The following ADRM1 variants were observed in gnomAD, a reference collection of about 807,000 sequenced individuals.
ADRM1 encodes the protein proteasomal ubiquitin receptor ADRM1.
A neutral mutation model predicts 40.1 loss-of-function variants in ADRM1; 2 were observed. The ratio of observed to expected loss-of-function variants is 0.05; its 90% CI spans 0.02 to 0.16. ADRM1 has a LOEUF of 0.16. Ranked by LOEUF, ADRM1 falls within the 10% of genes least tolerant of loss-of-function variation. ADRM1 has a pLI of 1.00. For synonymous variants in ADRM1, 287 were observed against 240.4 expected (o/e 1.19, Z -1.79); for missense variants, 467 against 552.5 (o/e 0.85, Z 1.55).
chr20:62,303,516 G>T, intron 1 of ADRM1, 52 bp from the exon 2 acceptor site: 1 of 1,523,640 alleles, frequency 6.6e-7, no homozygotes, highest in South Asian at 1.2e-5. Flanking sequence ...GAGCTTGCCG[G>T]ACCGCAGGCG....
chr20:62,304,137 TCTTA>T, intron 2 of ADRM1: 1 of 477,660 alleles, frequency 2.1e-6, no homozygotes, highest in South Asian at 2.4e-5. Context: ...TTTTTCAAAC[TCTTA>T]GTTGTTCTTT....
chr20:62,308,325 C>T, intron 8 of ADRM1, 43 bp from the exon 9 acceptor site: 1 of 1,559,302 alleles, frequency 6.4e-7, no homozygotes, highest in East Asian at 2.3e-5. Flanking sequence ...CTCTGGGGTG[C>T]AGCCCGGGTT....
rs551862753 is a variant in ADRM1 at position 62,305,196 on chromosome 20, G to A, written c.330+619G>A. Among the ~76,000 whole-genome samples the A allele has an allele frequency of 3.3e-5, 5 of 152,362 alleles. No individual in the cohort carries two copies. In the East Asian group the frequency reaches 9.6e-4, roughly 29 times the overall value. ...CATTTTCCATAAGCCAGTATCATCT[G>A]TAGGTGAAAACTGGTGGCGGGCCTG... On this transcript the variant is annotated intron_variant, in intron 3 of 9. Transcript: ENST00000253003.
At chr20:62,304,625 G>T in intron 3 of ADRM1, 48 bp downstream of exon 3, 3 of 1,569,986 alleles carry the variant, frequency 1.9e-6, no homozygotes, top group East Asian at 2.2e-5. Flanking sequence ...CCTGCGATTC[G>T]GTTAGGAACT....
Position 62,307,695 on chromosome 20 carries a change from C to A in ADRM1, c.723C>A (p.Ser241Arg), listed in dbSNP as rs749253001. The A allele has an allele frequency of 1.2e-6, 2 of 1,612,112 alleles. No individual in the cohort carries two copies. The highest frequency in any genetic ancestry group is 2.7e-5 in the African/African-American group (2 of 74,926). ...PSAPAAASAT[S>R]PSPAPSSGNG... ...CTCCAGCAGCTGCCTCAGCAACTAGCCCGAGCCCCGCGCCCAGTTCCGGGA... is the reference window on the plus strand; with the variant it reads ...CTCCAGCAGCTGCCTCAGCAACTAGACCGAGCCCCGCGCCCAGTTCCGGGA... The change falls in exon 7 of 10, where the codon AGC becomes AGA. Residue 241 changes from serine (S) to arginine (R), a missense_variant. Transcript: ENST00000253003.
intron 8 of ADRM1, 33 bp from the exon 9 acceptor site, chr20:62,308,335 T>G (rs1985466890): frequency 6.4e-7 from 1 of 1,571,082 alleles, no homozygotes; most frequent in African/African-American, 1.3e-5. Context: ...CAGCCCGGGT[T>G]GGAGCTCAGC....
intron 5 of ADRM1, among the ~76,000 whole-genome samples, 184 bp downstream of exon 5, chr20:62,306,918 C>T (rs953740724): frequency 4.7e-4 from 71 of 152,304 alleles, no homozygotes; most frequent in African/African-American, 1.7e-3. Flanking sequence ...TAGGCGAGGG[C>T]TTCTGGGCCC....
At chr20:62,303,232 G>A (rs1170443913) in intron 1 of ADRM1, 183 bp downstream of exon 1, 1 of 185,452 alleles carries the variant, frequency 5.4e-6, no homozygotes, top group Non-Finnish European at 1.1e-5. Context: ...TTCCGCCTGC[G>A]GCTCTGAACG....
At chr20:62,305,025 C>T (rs946434884) in intron 3 of ADRM1, among the ~76,000 whole-genome samples, 1 of 152,228 alleles carries the variant, frequency 6.6e-6, no homozygotes, top group African/African-American at 2.4e-5. Context: ...TGTCAGTGCC[C>T]AGGGTTTCTC....
Position 62,308,415 on chromosome 20 carries a change from C to T in ADRM1, c.1062C>T (p.Pro354=), listed in dbSNP as rs1293211736. 1 of 1,609,770 alleles carries T rather than the reference C, an allele frequency of 6.2e-7. No homozygotes were observed. Among genetic ancestry groups the T allele is most frequent in the Non-Finnish European group, 8.5e-7 (1 of 1,179,298 alleles). The change falls in exon 9 of 10, where the codon CCC becomes CCT. Residue 354 remains proline, a synonymous_variant. Coordinates refer to ENST00000253003, the MANE Select transcript of ADRM1 (RefSeq NM_007002.4). ...SAALASGQLG[P]LMCQFGLPAE... is the part of the protein sequence containing the mutation. ...CCTTGGCCTCGGGGCAGCTGGGCCC[C>T]CTCATGTGCCAGTTCGGTCTGCCTG... is the stretch of plus-strand genomic sequence containing the variant.
chr20:62,308,288 C>A, intron 8 of ADRM1, 80 bp from the exon 9 acceptor site: 1 of 1,537,860 alleles, frequency 6.5e-7, no homozygotes, highest in Non-Finnish European at 8.8e-7. Flanking sequence ...GTGCCTGACC[C>A]GCAGAGCTGG....
intron 2 of ADRM1, chr20:62,304,100 C>T: frequency 2.0e-6 from 1 of 499,808 alleles, no homozygotes; most frequent in Non-Finnish European, 3.6e-6. Flanking sequence ...GAGCTCTGTG[C>T]CTGGCGGCTT....
intron 9 of ADRM1, 35 bp from the exon 10 acceptor site, chr20:62,308,620 G>T (rs757878827): frequency 6.2e-7 from 1 of 1,609,496 alleles, no homozygotes; most frequent in Non-Finnish European, 8.5e-7. Context: ...CTGGGCAAGG[G>T]TTAGACACCA....
intron 8 of ADRM1, 92 bp downstream of exon 8, chr20:62,308,270 T>C: frequency 2.6e-6 from 4 of 1,536,394 alleles, no homozygotes; most frequent in Non-Finnish European, 3.5e-6. Context: ...CCATGGCCAG[T>C]GCTTCATGTG....
At chr20:62,307,477 C>T (rs1985216202) in intron 6 of ADRM1, 25 bp downstream of exon 6, 1 of 1,606,046 alleles carries the variant, frequency 6.2e-7, no homozygotes, top group Middle Eastern at 1.7e-4. Flanking sequence ...TCCTGCCACG[C>T]AGGTGCCACG....
chr20:62,307,302 G>C, intron 5 of ADRM1, 69 bp from the exon 6 acceptor site: 2 of 1,454,918 alleles, frequency 1.4e-6, no homozygotes, highest in South Asian at 1.3e-5. Flanking sequence ...CCTCTGGCCT[G>C]GGGAGGGGCC....
At chr20:62,303,412 C>T (rs112650140) in intron 1 of ADRM1, 156 bp from the exon 2 acceptor site, 3 of 725,362 alleles carry the variant, frequency 4.1e-6, no homozygotes, top group Non-Finnish European at 6.7e-6. Flanking sequence ...TCGTCGTGAG[C>T]GGGGCAAACG....
In ADRM1 at chr20:62,307,888, G is replaced by A. The variant is rs370428386; in HGVS notation, c.856+60G>A. The A allele has an allele frequency of 2.8e-5, 44 of 1,556,038 alleles. No homozygotes were observed. In the Admixed American group the frequency reaches 4.5e-4, roughly 16 times the overall value. ...GCATGGGGCCTGCTGACCCTCGCAC[G>A]CTCACCTTCCAAGGCATCTGCCTAG... On this transcript the variant is annotated intron_variant, in intron 7 of 9. Coordinates refer to ENST00000253003, the MANE Select transcript of ADRM1 (RefSeq NM_007002.4).
Position 62,308,702 on chromosome 20 carries a change from CAGAAAG to C in ADRM1, c.1168_1173del (p.Lys390_Glu391del), listed in dbSNP as rs1248993092. 1 of 1,612,074 alleles carries C rather than the reference CAGAAAG, an allele frequency of 6.2e-7. No homozygotes were observed. The highest frequency in any genetic ancestry group is 1.3e-5 in the African/African-American group (1 of 74,866). ...CATGCAGAACAACGCCAAGCCCGAGCAGAAAGAGGGCGACACGAAGGACAAGAAGGA... is the reference window on the plus strand; with the variant it reads ...CATGCAGAACAACGCCAAGCCCGAGCAGGGCGACACGAAGGACAAGAAGGA... On this transcript the variant is annotated inframe_deletion, in exon 10 of 10. Transcript: ENST00000253003.
Sources: gnomAD v4.1 joint callset for allele counts (sites outside exome capture counted in the v4.1 genomes callset) on GRCh38, gnomAD v4.1.1 for gene constraint, MANE v1.5 for transcripts, NCBI Gene and HGNC (gene_info 2026-07-23, HGNC 2026-07-21) for gene names.